Variants in HERC2 observed in about 807,000 individuals in gnomAD.
HERC2 encodes HECT and RLD domain containing E3 ubiquitin protein ligase 2, also known as E3 ubiquitin-protein ligase HERC2.
A neutral mutation model predicts 537.7 loss-of-function variants in HERC2; 102 were observed. That is an observed-to-expected ratio of 0.19 (90% CI 0.16 to 0.22). The LOEUF is 0.22. Among genes scored for constraint, HERC2 ranks in the 10% least tolerant of loss-of-function variants. The probability of loss-of-function intolerance (pLI) is 1.00; values close to 1 mark genes in which losing one functional copy is unlikely to be tolerated. For missense variants in HERC2, 4,236 were observed against 6,198.2 expected, an observed-to-expected ratio of 0.68 and a Z score of 10.63; for synonymous variants, 2,224 against 2,466.2, an observed-to-expected ratio of 0.90 and a Z score of 2.91.
intron 5 of HERC2, among the ~76,000 whole-genome samples, chr15:28,278,973 T>G (rs1438612254): frequency 6.6e-6 from 1 of 152,226 alleles, no homozygotes; most frequent in Non-Finnish European, 1.5e-5. Context: ...CATCAACAAA[T>G]TAAAACTCAT....
intron 23 of HERC2, among the ~76,000 whole-genome samples, chr15:28,240,243 C>T (rs1902941646): frequency 6.6e-6 from 1 of 152,008 alleles, no homozygotes; most frequent in East Asian, 1.9e-4. Context: ...ACGGTGAAAC[C>T]CCATCTCTAC....
At chr15:28,276,596 G>A (rs2075880802) in intron 5 of HERC2, among the ~76,000 whole-genome samples, 2 of 152,024 alleles carry the variant, frequency 1.3e-5, no homozygotes, top group South Asian at 4.1e-4. Context: ...TTAGCCGGGT[G>A]TGGTGGTGCA....
intron 83 of HERC2, among the ~76,000 whole-genome samples, chr15:28,128,866 T>C (rs3935591): frequency 0.65 from 99,409 of 152,066 alleles, 37,510 homozygotes; most frequent in Non-Finnish European, 0.86. Flanking sequence ...GGCTGAGCTA[T>C]TCCCAGCTTC....
At chr15:28,158,898 T>C (rs1893290562) in intron 69 of HERC2, among the ~76,000 whole-genome samples, 1 of 152,236 alleles carries the variant, frequency 6.6e-6, no homozygotes, top group South Asian at 2.1e-4. Flanking sequence ...CCATGTTTAG[T>C]GCTTCCTTCA....
chr15:28,169,672 A>G lies in HERC2; in HGVS notation c.10058-17T>C. On this transcript the variant is annotated splice_polypyrimidine_tract_variant and intron_variant, in intron 65 of 92. Transcript: ENST00000261609. ...AAGGCACGCCTATAAGAGGAAAATA[A>G]AATTTGCATTGTTTTTAAAATCACA... 6.3e-7 allele frequency: 1 copy of G among 1,593,996 alleles called. No homozygotes were observed. Among genetic ancestry groups the G allele is most frequent in the Non-Finnish European group, 8.5e-7 (1 of 1,170,756 alleles).
chr15:28,223,779 C>T (rs1246690953), intron 35 of HERC2, among the ~76,000 whole-genome samples: 1 of 152,118 alleles, frequency 6.6e-6, no homozygotes, highest in Admixed American at 6.5e-5. Flanking sequence ...ATACCCTGAT[C>T]AGGGCAGGCC....
intron 78 of HERC2, 61 bp from the exon 79 acceptor site, chr15:28,135,753 T>C: frequency 8.1e-7 from 1 of 1,238,696 alleles, no homozygotes; most frequent in Non-Finnish European, 1.2e-6. Context: ...CTAAATTTAC[T>C]AATTCATAAA....
chr15:28,246,668 T>C, intron 22 of HERC2, 74 bp downstream of exon 22: 1 of 1,291,412 alleles, frequency 7.7e-7, no homozygotes, highest in South Asian at 1.6e-5. Context: ...GGCATGCTGA[T>C]CAGCAAAGAA....
intron 2 of HERC2, among the ~76,000 whole-genome samples, chr15:28,307,007 G>A (rs1428264709): frequency 6.6e-6 from 1 of 152,150 alleles, no homozygotes; most frequent in Admixed American, 6.5e-5. Context: ...GTTAATTTTT[G>A]TATTTTTAGT....
chr15:28,282,368 G>A (rs1469077831), intron 4 of HERC2, among the ~76,000 whole-genome samples: 1 of 151,998 alleles, frequency 6.6e-6, no homozygotes, highest in Non-Finnish European at 1.5e-5. Context: ...AAAGATGTTG[G>A]AATAATGTGG....
chr15:28,222,806 G>A (rs901469180), intron 35 of HERC2, among the ~76,000 whole-genome samples: 13 of 152,080 alleles, frequency 8.5e-5, no homozygotes, highest in Non-Finnish European at 8.8e-5. Context: ...CTTCGTATGC[G>A]CCAGGAAGGG....
In HERC2 at chr15:28,292,875, T is replaced by C. The variant is rs368102167; in HGVS notation, c.322+13A>G. On this transcript the variant is annotated intron_variant, in intron 4 of 92. Transcript: ENST00000261609. ...GATCAACCTTTCCAAAGTGCCAAAATTCACAAGATTACCTGGTTGCTTGCC... is the reference window on the plus strand; with the variant it reads ...GATCAACCTTTCCAAAGTGCCAAAACTCACAAGATTACCTGGTTGCTTGCC... The C allele has an allele frequency of 2.5e-6, 4 of 1,608,124 alleles. No homozygotes were observed. The highest frequency in any genetic ancestry group is 3.4e-6 in the Non-Finnish European group (4 of 1,179,194).
intron 69 of HERC2, 128 bp downstream of exon 69, chr15:28,162,966 C>A: frequency 2.6e-6 from 2 of 757,846 alleles, no homozygotes; most frequent in Non-Finnish European, 4.3e-6. Context: ...GTGCTCCTAA[C>A]CTGCAGTCTA....
chr15:28,245,564 TATAC>T (rs1328754206), intron 23 of HERC2, among the ~76,000 whole-genome samples: 1,989 of 108,922 alleles, frequency 0.018, 40 homozygotes, highest in Middle Eastern at 0.057. Context: ...AAAAAAAATA[TATAC>T]ACACACACAC....
chr15:28,322,023 C>A (rs1225743783), intron 1 of HERC2, 52 bp downstream of exon 1: 1 of 89,992 alleles, frequency 1.1e-5, no homozygotes, highest in Non-Finnish European at 2.0e-5. Context: ...CCCGCCAGCC[C>A]CGCGCCCGTA....
At chr15:28,251,598 C>T (rs560178844) in intron 20 of HERC2, among the ~76,000 whole-genome samples, 2 of 152,172 alleles carry the variant, frequency 1.3e-5, no homozygotes, top group Non-Finnish European at 2.9e-5. Context: ...GTCAGGAGTT[C>T]GAGACCAGCC....
chr15:28,141,539 C>T lies in HERC2; in HGVS notation c.11908G>A (p.Gly3970Ser). ...GGAGTGGGAACTTTGACTTTTGCGC[C>T]TTCAATGCCCCCGAGCTGGCCCCTG... ...NHRGQLGGIEGAKVKVPTPCE... is the reference protein window; with the variant it reads ...NHRGQLGGIESAKVKVPTPCE... The change falls in exon 78 of 93, where the codon GGC (glycine) becomes AGC (serine). Residue 3970 changes from glycine to serine, a missense_variant. Around this residue, in one of 27 missense-constraint regions of HERC2, gnomAD observed 156 missense variants for 172.3 expected, o/e 0.91. Transcript: ENST00000261609. 1 of 1,614,148 alleles carries T rather than the reference C, an allele frequency of 6.2e-7. No homozygotes were observed. Among genetic ancestry groups the T allele is most frequent in the Non-Finnish European group, 8.5e-7 (1 of 1,180,042 alleles).
chr15:28,270,797 A>C lies in HERC2; in HGVS notation c.1155T>G (p.Leu385=). The change falls in exon 10 of 93, where the codon CTT becomes CTG. Residue 385 remains leucine (L), a synonymous_variant. Transcript: ENST00000261609. ...RYLTLPQDNE[L]AIDLRQTAVV... The stretch of plus-strand genomic sequence containing the variant: ...CCGCCGTTTGTCGCAGATCAATGGC[A>C]AGCTCGTTGTCTTGTGGAAGGGTGA... The C allele has an allele frequency of 6.2e-7, 1 of 1,613,992 alleles. No homozygotes were observed. The highest frequency in any genetic ancestry group is 8.5e-7 in the Non-Finnish European group (1 of 1,179,866).
chr15:28,152,701 T>A lies in HERC2; in HGVS notation c.10876A>T (p.Thr3626Ser). The change falls in exon 70 of 93, where the codon ACC becomes TCC. Residue 3626 changes from threonine (T) to serine (S), a missense_variant. By Grantham distance (58) the Thr-to-Ser change is moderately conservative (BLOSUM62 1). Transcript: ENST00000261609. ...SSHPYTDDTS[T>S]SGTVKIPGAE... The stretch of plus-strand genomic sequence containing the variant: ...CCTGGTATCTTCACTGTGCCACTGG[T>A]GGAGGTGTCGTCGGTGTAAGGGTGG... 1 of 1,550,954 alleles carries A rather than the reference T, an allele frequency of 6.4e-7. No individual in the cohort carries two copies. The highest frequency in any genetic ancestry group is 1.2e-5 in the South Asian group (1 of 83,852).
Sources: gnomAD v4.1 joint callset for allele counts (sites outside exome capture counted in the v4.1 genomes callset) on GRCh38, gnomAD v4.1.1 for gene constraint, gnomAD v4.1.1 regional missense constraint, MANE v1.5 for transcripts, NCBI Gene and HGNC (gene_info 2026-07-23, HGNC 2026-07-21) for gene names.